CPLANE1: variants seen among roughly 807,000 people sequenced by gnomAD.
CPLANE1 encodes ciliogenesis and planar polarity effector 1.
Under a neutral mutation model 362.5 loss-of-function variants are expected in CPLANE1, and 263 were observed. The observed-to-expected ratio is 0.73, with a 90% CI of 0.66 to 0.80. The LOEUF (loss-of-function observed/expected upper bound fraction) is 0.80, where lower values mean the gene tolerates loss of function less well. Among genes scored for constraint, CPLANE1 ranks in the 30% least tolerant of loss-of-function variants. The pLI, the probability that CPLANE1 is intolerant of heterozygous loss-of-function variation, is 0.00. For synonymous variants in CPLANE1, 1,212 were observed against 1,302.6 expected (o/e 0.93, Z 1.50); for missense variants, 3,461 against 3,793.4 (o/e 0.91, Z 2.30).
intron 35 of CPLANE1, 76 bp from the exon 36 acceptor site, chr5:37,165,747 G>A: frequency 7.6e-7 from 1 of 1,320,450 alleles, no homozygotes; most frequent in Admixed American, 2.7e-5. Context: ...TGCTATATAG[G>A]GATACAGTTG....
chr5:37,105,819 C>T (rs922272051), downstream of CPLANE1, among the ~76,000 whole-genome samples: 2 of 152,022 alleles, frequency 1.3e-5, no homozygotes, highest in African/African-American at 4.8e-5. Context: ...AACTTAGTAA[C>T]AAAAAAGAAT....
chr5:37,248,705 G>GTTAA (rs775598457), intron 1 of CPLANE1, among the ~76,000 whole-genome samples: 10 of 152,100 alleles, frequency 6.6e-5, no homozygotes, highest in Non-Finnish European at 8.8e-5. Flanking sequence ...TCACAAAAGG[G>GTTAA]TTAACCAAAT....
downstream of CPLANE1, among the ~76,000 whole-genome samples, chr5:37,102,602 A>G (rs1183751303): frequency 6.6e-6 from 1 of 152,150 alleles, no homozygotes; most frequent in Non-Finnish European, 1.5e-5. Flanking sequence ...ATTCTGGTAC[A>G]TTGTCTCTTT....
chr5:37,122,956 T>C (rs301891), intron 47 of CPLANE1, among the ~76,000 whole-genome samples: 22,746 of 152,182 alleles, frequency 0.15, 1,993 homozygotes, highest in African/African-American at 0.24. Flanking sequence ...ACTAGTTCAA[T>C]TAATATATTT....
At position 37,206,179 on chromosome 5, in the gene CPLANE1, T is replaced by C. The variant is rs1790674211; in HGVS notation, c.3149+18A>G. 1 of 1,469,756 alleles carries C rather than the reference T, an allele frequency of 6.8e-7. No individual in the cohort carries two copies. Among genetic ancestry groups the C allele is most frequent in the African/African-American group, 1.4e-5 (1 of 71,224 alleles). 91.0% of individuals were successfully genotyped at this position (1,469,756 alleles called of 1,614,324 possible). A position where few individuals can be genotyped will look rare whatever the true frequency, so the allele number is the denominator to read the frequency against. ...AGTTCAATCATACTATATCTTAAAA[T>C]TGCCTAAAAATCCATACCTCATGAA... On this transcript the variant is annotated intron_variant, in intron 17 of 52. Transcript: ENST00000651892.
intron 41 of CPLANE1, among the ~76,000 whole-genome samples, chr5:37,155,012 A>C (rs1774669660): frequency 6.6e-6 from 1 of 152,184 alleles, no homozygotes; most frequent in Non-Finnish European, 1.5e-5. Context: ...AAGTGACAAC[A>C]AGTATTGATG....
At chr5:37,178,947 G>C (rs1187080493) in intron 29 of CPLANE1, among the ~76,000 whole-genome samples, 1 of 152,068 alleles carries the variant, frequency 6.6e-6, no homozygotes, top group African/African-American at 2.4e-5. Context: ...TTTTTGTAGA[G>C]ATGGAGTCTT....
In CPLANE1 at chr5:37,195,993, G is replaced by A. The variant is rs749421099; in HGVS notation, c.3676C>T (p.Arg1226Ter). 2.3e-5 allele frequency: 37 copies of A among 1,593,830 alleles called. No individual in the cohort carries two copies. The highest frequency in any genetic ancestry group is 9.1e-5 in the Admixed American group (5 of 54,726). ...AGTGAAGGAAGGGATCCTTTCATTC[G>A]AATCTAAAAGTAAAGAATAACCGAA... The part of the protein sequence containing the change: ...RWARKVMQKI[R>*]MKGSLPSLSP... Residue 1226 changes from arginine (R) to a stop codon, truncating the protein, a stop_gained, in exon 21 of 53, where the codon CGA (arginine) becomes TGA (stop). Transcript: ENST00000651892. LOFTEE classifies it high-confidence loss of function.
chr5:37,091,342 G>A, the CPLANE1 span, among the ~76,000 whole-genome samples: 4,723 of 152,126 alleles, frequency 0.031, 107 homozygotes, highest in Non-Finnish European at 0.049. Flanking sequence ...CATTTATGGG[G>A]CAGCCCACAA....
intron 41 of CPLANE1, among the ~76,000 whole-genome samples, chr5:37,156,375 G>C (rs1008812176): frequency 6.6e-6 from 1 of 152,140 alleles, no homozygotes; most frequent in African/African-American, 2.4e-5. Context: ...AGGCTGAGGT[G>C]GAATGATCAC....
chr5:37,120,305 C>T lies in CPLANE1; in HGVS notation c.9221G>A (p.Arg3074Gln), dbSNP rs772495694. The part of the protein sequence containing the change: ...NQHGHSFLIN[R>Q]PGKVKYMSKP... ...GGACATATATTTGACTTTTCCAGGT[C>T]GATTTATTAGAAAACTGTGACCATG... Residue 3074 changes from arginine to glutamine, a missense_variant, in exon 50 of 53, where the codon CGA (arginine) becomes CAA (glutamine). Transcript: ENST00000651892. 1.9e-6 allele frequency: 3 copies of T among 1,593,552 alleles called. No individual in the cohort carries two copies. The highest frequency in any genetic ancestry group is 3.7e-5 in the Admixed American group (2 of 54,396).
In CPLANE1 at chr5:37,157,409, C is replaced by T. The variant is rs781600553; in HGVS notation, c.8023G>A (p.Ala2675Thr). Residue 2675 changes from alanine (A) to threonine (T), a missense_variant, in exon 41 of 53, where the codon GCT (alanine) becomes ACT (threonine). Physicochemically the swap from Ala to Thr is moderately conservative, Grantham distance 58. Transcript: ENST00000651892. Reference protein sequence around the residue: ...HNFKSQEVTPACLDGKSLRAG... With the variant: ...HNFKSQEVTPTCLDGKSLRAG... ...CTCAAGCTTTTTCCATCCAGACAAG[C>T]TGGAGTTACTTCTGCAGGTTTAGAA... 266 of 1,461,362 alleles carry T rather than the reference C, an allele frequency of 1.8e-4. No individual in the cohort carries two copies. The highest frequency in any genetic ancestry group is 2.4e-4 in the Non-Finnish European group (261 of 1,093,422). The allele number at this position is 1,461,362 out of a possible 1,614,324, so 90.5% of individuals were successfully genotyped here. A position where few individuals can be genotyped will look rare whatever the true frequency, so the allele number is the denominator to read the frequency against.
In CPLANE1 at chr5:37,170,131, C is replaced by T. The variant is rs1476794268; in HGVS notation, c.6372G>A (p.Met2124Ile). ...TGCGAGGCTCTCTGGCGTTCTCTCCCATTGACTGTGGTTTAATAAAAAATC... is the reference window on the plus strand; with the variant it reads ...TGCGAGGCTCTCTGGCGTTCTCTCCTATTGACTGTGGTTTAATAAAAAATC... ...KERFFIKPQS[M>I]GENAREPRKN... Residue 2124 changes from methionine to isoleucine, a missense_variant, in exon 33 of 53, where the codon ATG (methionine) becomes ATA (isoleucine). Met to Ile is a conservative substitution (Grantham distance 10, BLOSUM62 1). Coordinates refer to ENST00000651892, the MANE Select transcript of CPLANE1 (RefSeq NM_001384732.1). 2 of 1,614,048 alleles carry T rather than the reference C, an allele frequency of 1.2e-6. No individual in the cohort carries two copies. The highest frequency in any genetic ancestry group is 1.7e-6 in the Non-Finnish European group (2 of 1,180,034).
intron 46 of CPLANE1, among the ~76,000 whole-genome samples, chr5:37,137,219 A>C (rs1767985737): frequency 6.6e-6 from 1 of 152,246 alleles, no homozygotes; most frequent in Non-Finnish European, 1.5e-5. Flanking sequence ...TCTCTAGGAC[A>C]GAGGCAAAAT....
At chr5:37,103,595 G>C (rs1757400317), downstream of CPLANE1, among the ~76,000 whole-genome samples, 1 of 152,212 alleles carries the variant, frequency 6.6e-6, no homozygotes. Context: ...TTGCTTGTCT[G>C]AAAAGGAGCT....
intron 41 of CPLANE1, among the ~76,000 whole-genome samples, chr5:37,154,543 C>T (rs1256352335): frequency 6.8e-6 from 1 of 146,874 alleles, no homozygotes; most frequent in Non-Finnish European, 1.5e-5. Context: ...TCAAGCAATC[C>T]TCCCACCTCA....
chr5:37,219,799 T>C (rs1794957688), intron 15 of CPLANE1, among the ~76,000 whole-genome samples: 1 of 152,068 alleles, frequency 6.6e-6, no homozygotes, highest in Non-Finnish European at 1.5e-5. Flanking sequence ...ACTATCCAGC[T>C]CCGGTAATAT....
intron 12 of CPLANE1, among the ~76,000 whole-genome samples, chr5:37,226,069 T>A (rs930293115): frequency 9.2e-5 from 14 of 152,088 alleles, no homozygotes; most frequent in East Asian, 3.9e-4. Context: ...TTAAATATTT[T>A]AAAAAATAAA....
intron 2 of CPLANE1, among the ~76,000 whole-genome samples, chr5:37,246,659 T>C (rs1007074402): frequency 6.6e-6 from 1 of 152,170 alleles, no homozygotes; most frequent in Non-Finnish European, 1.5e-5. Flanking sequence ...TTTCAAGGTA[T>C]AACTGAGCCA....
Sources: allele counts gnomAD v4.1 joint callset (sites outside exome capture counted in the v4.1 genomes callset), GRCh38; gene constraint gnomAD v4.1.1; transcripts MANE v1.5; gene names NCBI Gene and HGNC (gene_info 2026-07-23, HGNC 2026-07-21).